ZFPM2: variants seen among roughly 807,000 people sequenced by gnomAD.
ZFPM2 encodes zinc finger protein ZFPM2.
Under a neutral mutation model 98.6 loss-of-function variants are expected in ZFPM2, and 20 were observed. The observed-to-expected ratio is 0.20, with a 90% CI of 0.14 to 0.29. The LOEUF is 0.29. ZFPM2 is among the 10% of genes least tolerant of loss of function. The pLI is 1.00. For synonymous variants in ZFPM2, 518 were observed against 502.7 expected (o/e 1.03, Z -0.41); for missense variants, 1,310 against 1,388.6 (o/e 0.94, Z 0.90).
chr8:105,445,611 C>CTT (rs879700947), intron 3 of ZFPM2, among the ~76,000 whole-genome samples: 1 of 143,590 alleles, frequency 7.0e-6, no homozygotes. Context: ...ATTATAGTTC[C>CTT]TTTTTTTTTT....
intron 3 of ZFPM2, among the ~76,000 whole-genome samples, chr8:105,475,866 A>G (rs1196489417): frequency 6.6e-6 from 1 of 152,238 alleles, no homozygotes; most frequent in African/African-American, 2.4e-5. Flanking sequence ...GGAGTTTCCA[A>G]AAATGAGTCA....
chr8:105,418,929 T>C (rs1811737371), intron 1 of ZFPM2: 3 of 600,892 alleles, frequency 5.0e-6, no homozygotes, highest in South Asian at 1.9e-5. Context: ...TTCTGTGTTA[T>C]AACTTCTGAC....
chr8:105,561,302 G>A, intron 3 of ZFPM2, 61 bp from the exon 4 acceptor site: 1 of 1,267,426 alleles, frequency 7.9e-7, no homozygotes, highest in East Asian at 2.4e-5. Flanking sequence ...CACACAAAAA[G>A]AGGTGGCTGC....
At chr8:105,719,177 C>T (rs1467516948) in intron 5 of ZFPM2, among the ~76,000 whole-genome samples, 2 of 151,872 alleles carry the variant, frequency 1.3e-5, no homozygotes, top group Non-Finnish European at 2.9e-5. Flanking sequence ...TTGCCAAAGC[C>T]CATGAGATGG....
rs941175771 is a variant in ZFPM2, at chr8:105,422,517, A to G, written c.199+3215A>G. Among the ~76,000 whole-genome samples the G allele has an allele frequency of 1.3e-4, 20 of 152,278 alleles. No individual in the cohort carries two copies. In the Middle Eastern group the frequency reaches 0.01, roughly 78 times the overall value. ...TTTTTGCACATAGTTTAAATCATTT[A>G]TGACAATTTAAAAATTGTTGATATT... On this transcript the variant is annotated intron_variant, in intron 2 of 7. Coordinates refer to ENST00000407775, the MANE Select transcript of ZFPM2 (RefSeq NM_012082.4).
chr8:105,548,795 A>G (rs781114809), intron 3 of ZFPM2, among the ~76,000 whole-genome samples: 13 of 152,116 alleles, frequency 8.5e-5, no homozygotes, highest in Non-Finnish European at 1.6e-4. Context: ...AACACTTGTT[A>G]TATTAGGTCG....
intron 1 of ZFPM2, chr8:105,387,220 A>G (rs4734859): frequency 0.47 from 71,021 of 152,724 alleles, 17,706 homozygotes; most frequent in Middle Eastern, 0.56. Flanking sequence ...TTAGCTAGAC[A>G]TAAAGGTTCT....
chr8:105,492,420 T>C (rs1005251199), intron 3 of ZFPM2, among the ~76,000 whole-genome samples: 3 of 152,158 alleles, frequency 2.0e-5, no homozygotes, highest in Non-Finnish European at 4.4e-5. Flanking sequence ...CTTTCTAAAA[T>C]ATGTAAACCT....
chr8:105,347,781 C>G (rs375281664), intron 1 of ZFPM2, among the ~76,000 whole-genome samples: 1 of 152,114 alleles, frequency 6.6e-6, no homozygotes, highest in Non-Finnish European at 1.5e-5. Context: ...GTTTAAATTT[C>G]AAATTAGTTG....
intron 5 of ZFPM2, among the ~76,000 whole-genome samples, chr8:105,778,551 A>G (rs1436089181): frequency 6.6e-6 from 1 of 151,850 alleles, no homozygotes; most frequent in Non-Finnish European, 1.5e-5. Flanking sequence ...CCCCCAGAGA[A>G]TGGCTTTAAT....
intron 3 of ZFPM2, among the ~76,000 whole-genome samples, chr8:105,543,958 C>T (rs1416839853): frequency 5.9e-5 from 9 of 152,146 alleles, no homozygotes; most frequent in Admixed American, 3.3e-4. Context: ...TTCTGATGGA[C>T]GTTAGTGGGA....
chr8:105,503,161 G>C (rs1433084381), intron 3 of ZFPM2, among the ~76,000 whole-genome samples: 1 of 152,126 alleles, frequency 6.6e-6, no homozygotes, highest in African/African-American at 2.4e-5. Flanking sequence ...GTTGTTTCAA[G>C]GTGTGTAAGT....
chr8:105,676,032 C>A (rs1303245565), intron 5 of ZFPM2: 2 of 152,142 alleles, frequency 1.3e-5, no homozygotes, highest in Non-Finnish European at 2.9e-5. Flanking sequence ...GTTAGCAAAT[C>A]TTACAGATGT....
intron 6 of ZFPM2, 113 bp from the exon 7 acceptor site, chr8:105,798,611 C>T: frequency 2.4e-6 from 2 of 822,068 alleles, no homozygotes; most frequent in Middle Eastern, 3.6e-4. Context: ...ATCTGATTGC[C>T]CAATTAAGAA....
rs1814125371 is a variant in ZFPM2 at position 105,803,876 on chromosome 8, A to C, written c.*338A>C. On this transcript the variant is annotated 3_prime_UTR_variant, in exon 8 of 8. Coordinates refer to ENST00000407775, the MANE Select transcript of ZFPM2 (RefSeq NM_012082.4). Reference sequence around the variant, plus strand: ...CACTGTATAGTAGCTTTTAAAGAAAATAGTCACAATACAGAAAAGCATTTT... The same window carrying C: ...CACTGTATAGTAGCTTTTAAAGAAACTAGTCACAATACAGAAAAGCATTTT... 1 of 179,860 alleles carries C rather than the reference A, an allele frequency of 5.6e-6. No homozygotes were observed. The highest frequency in any genetic ancestry group is 2.7e-5 in the African/African-American group (1 of 37,144). 11.1% of individuals were successfully genotyped at this position (179,860 alleles called of 1,614,324 possible).
intron 5 of ZFPM2, among the ~76,000 whole-genome samples, chr8:105,656,614 G>A (rs926582224): frequency 2.0e-4 from 31 of 152,196 alleles, no homozygotes; most frequent in African/African-American, 7.5e-4. Flanking sequence ...GCAAGGCCGT[G>A]ACTCTTAATG....
At chr8:105,378,841 G>A (rs928833037) in intron 1 of ZFPM2, among the ~76,000 whole-genome samples, 1 of 152,084 alleles carries the variant, frequency 6.6e-6, no homozygotes, top group Admixed American at 6.5e-5. Context: ...AATTAAGACA[G>A]TTTTAAGAAA....
intron 5 of ZFPM2, among the ~76,000 whole-genome samples, chr8:105,763,788 T>C (rs546358249): frequency 2.6e-5 from 4 of 151,970 alleles, no homozygotes; most frequent in African/African-American, 7.2e-5. Context: ...TTATCTTTAG[T>C]AGCCTGGCAA....
In ZFPM2 at chr8:105,773,611, T is replaced by A. The variant is rs181355631; in HGVS notation, c.533-15107T>A. ...TAATTAACTACACTATTAAATTTTC[T>A]AGTTTTATCTAAATCATGACATGAA... On this transcript the variant is annotated intron_variant, in intron 5 of 7. Coordinates refer to ENST00000407775, the MANE Select transcript of ZFPM2 (RefSeq NM_012082.4). Among the ~76,000 whole-genome samples, 3 of 151,678 alleles carry A rather than the reference T, an allele frequency of 2.0e-5. No homozygotes were observed. In the East Asian group the frequency reaches 5.8e-4, roughly 29 times the overall value.
Sources: gnomAD v4.1 joint callset for allele counts (sites outside exome capture counted in the v4.1 genomes callset) on GRCh38, gnomAD v4.1.1 for gene constraint, MANE v1.5 for transcripts, NCBI Gene and HGNC (gene_info 2026-07-23, HGNC 2026-07-21) for gene names.